The following SOX5 variants were observed in gnomAD, a reference collection of about 807,000 sequenced individuals.
SOX5 encodes transcription factor SOX-5.
Under a neutral mutation model 92.0 loss-of-function variants are expected in SOX5, and 9 were observed. The observed-to-expected ratio is 0.10, with a 90% CI of 0.06 to 0.17. The LOEUF (loss-of-function observed/expected upper bound fraction) is 0.17. Ranked by LOEUF, SOX5 falls within the 10% of genes least tolerant of loss-of-function variation. The pLI, the probability that SOX5 is intolerant of heterozygous loss-of-function variation, is 1.00. For synonymous variants in SOX5, 344 were observed against 336.3 expected, an observed-to-expected ratio of 1.02 and a Z score of -0.25; for missense variants, 642 against 944.5, an observed-to-expected ratio of 0.68 and a Z score of 4.20.
chr12:24,420,933 C>A (rs1445806992), intron 1 of SOX5, among the ~76,000 whole-genome samples: 1 of 152,128 alleles, frequency 6.6e-6, no homozygotes, highest in Non-Finnish European at 1.5e-5. Flanking sequence ...ATGCCACCAA[C>A]AAAATCCATA....
chr12:23,944,022 G>A (rs776274716), intron 1 of SOX5: 1 of 152,048 alleles, frequency 6.6e-6, no homozygotes, highest in African/African-American at 2.4e-5. Flanking sequence ...TTCAAATTGG[G>A]TTCATATTTG....
chr12:23,787,474 T>C (rs1440103952), intron 3 of SOX5, among the ~76,000 whole-genome samples: 2 of 152,034 alleles, frequency 1.3e-5, no homozygotes, highest in South Asian at 2.1e-4. Flanking sequence ...TTCTTTTCCA[T>C]ATCATTGGTT....
chr12:23,781,093 C>T (rs146543663), intron 3 of SOX5, among the ~76,000 whole-genome samples: 2 of 152,048 alleles, frequency 1.3e-5, no homozygotes, highest in African/African-American at 4.8e-5. Flanking sequence ...CTTGTCTCAT[C>T]CCAGACGGTT....
intron 3 of SOX5, among the ~76,000 whole-genome samples, chr12:23,838,248 A>G (rs1246381418): frequency 1.3e-5 from 2 of 148,654 alleles, no homozygotes; most frequent in East Asian, 1.9e-4. Context: ...AGTTCTGTCA[A>G]CATTCTACTA....
chr12:24,179,324 T>C (rs541414020), intron 4 of SOX5, among the ~76,000 whole-genome samples: 24 of 152,178 alleles, frequency 1.6e-4, no homozygotes, highest in Non-Finnish European at 3.2e-4. Flanking sequence ...TGACTTAAAA[T>C]AGTTCGACTT....
Position 24,326,896 on chromosome 12 carries a change from T to C in SOX5, c.-174+41667A>G, listed in dbSNP as rs963764992. On this transcript the variant is annotated intron_variant, in intron 2 of 4. Transcript: ENST00000446891. ...ATCTACCACTCTCTGCCTTTTTTAC[T>C]TGCATTGGTTTTTCCATCATCTGTC... Among the ~76,000 whole-genome samples, 8 of 152,126 alleles carry C rather than the reference T, an allele frequency of 5.3e-5. No individual in the cohort carries two copies. The East Asian group carries it at 1.5e-3, about 29-fold the overall frequency.
chr12:23,962,413 C>A (rs960362259), intron 4 of SOX5, among the ~76,000 whole-genome samples: 4 of 152,042 alleles, frequency 2.6e-5, no homozygotes, highest in African/African-American at 9.7e-5. Flanking sequence ...GCAAATGTTT[C>A]ATTCCTTTCA....
Position 23,895,985 on chromosome 12 carries a change from T to C in SOX5, c.78A>G (p.Ala26=). The part of the protein sequence containing the change: ...SKRPASPYGE[A]DGEVAMVTSR... ...TTGTCACCATGGCTACCTCTCCATC[T>C]GCTTCCCCATACGGAGAGGCTGGTC... is the stretch of plus-strand genomic sequence containing the variant. Residue 26 remains alanine (A), a synonymous_variant, in exon 2 of 15, where the codon GCA becomes GCG. Coordinates refer to ENST00000451604, the MANE Select transcript of SOX5 (RefSeq NM_006940.6). 1 of 1,614,118 alleles carries C rather than the reference T, an allele frequency of 6.2e-7. No homozygotes were observed. Among genetic ancestry groups the C allele is most frequent in the Non-Finnish European group, 8.5e-7 (1 of 1,179,952 alleles).
intron 1 of SOX5, among the ~76,000 whole-genome samples, chr12:24,424,690 C>T (rs962270752): frequency 6.6e-5 from 10 of 151,852 alleles, no homozygotes; most frequent in Admixed American, 5.3e-4. Flanking sequence ...TCATGCTCCA[C>T]AAAAGATGCT....
intron 4 of SOX5, among the ~76,000 whole-genome samples, chr12:24,084,161 T>C (rs982639915): frequency 6.6e-6 from 1 of 152,020 alleles, no homozygotes; most frequent in African/African-American, 2.4e-5. Context: ...ATCTATAAGG[T>C]TGAACTATGT....
At chr12:23,562,746 T>C (rs904766678) in intron 11 of SOX5, among the ~76,000 whole-genome samples, 1 of 152,206 alleles carries the variant, frequency 6.6e-6, no homozygotes, top group African/African-American at 2.4e-5. Flanking sequence ...TTTTAATAAG[T>C]ACATTTTGTT....
intron 1 of SOX5, among the ~76,000 whole-genome samples, chr12:24,467,343 C>T (rs1944336568): frequency 6.6e-6 from 1 of 152,132 alleles, no homozygotes; most frequent in Admixed American, 6.5e-5. Context: ...AGACAGAAAC[C>T]AATGAATGCA....
intron 3 of SOX5, among the ~76,000 whole-genome samples, chr12:23,785,644 G>T (rs1452530055): frequency 6.6e-6 from 1 of 152,076 alleles, no homozygotes; most frequent in African/African-American, 2.4e-5. Flanking sequence ...AAATAAATCA[G>T]TTAGATGGAC....
Position 23,547,974 on chromosome 12 carries a change from A to G in SOX5, c.1489-1550T>C, listed in dbSNP as rs1943461658. ...CACCAGCTTAACAGACTTTCTTTACAGTAAATGTAGCTGTTAAAACAAAAG... is the reference window on the plus strand; with the variant it reads ...CACCAGCTTAACAGACTTTCTTTACGGTAAATGTAGCTGTTAAAACAAAAG... On this transcript the variant is annotated intron_variant, in intron 11 of 14. Transcript: ENST00000451604. Among the ~76,000 whole-genome samples the G allele has an allele frequency of 2.0e-5, 3 of 152,106 alleles. No homozygotes were observed. The South Asian group carries it at 6.2e-4, about 31-fold the overall frequency.
chr12:24,142,964 A>G (rs1381092897), intron 4 of SOX5, among the ~76,000 whole-genome samples: 1 of 151,962 alleles, frequency 6.6e-6, no homozygotes, highest in Non-Finnish European at 1.5e-5. Context: ...CAAGGCAGGG[A>G]AAAGAGCCAC....
chr12:23,855,548 T>C (rs2096677713), intron 2 of SOX5, among the ~76,000 whole-genome samples: 1 of 152,158 alleles, frequency 6.6e-6, no homozygotes, highest in Non-Finnish European at 1.5e-5. Context: ...GTCATGTTTC[T>C]ATCTTTCTCT....
intron 4 of SOX5, among the ~76,000 whole-genome samples, chr12:24,002,391 GACCTT>G: frequency 6.6e-6 from 1 of 152,034 alleles, no homozygotes; most frequent in Middle Eastern, 3.4e-3. Flanking sequence ...CATCACTACT[GACCTT>G]ATAGAAATAC....
chr12:24,266,034 A>ATG (rs59696898), intron 3 of SOX5, among the ~76,000 whole-genome samples: 1,692 of 127,676 alleles, frequency 0.013, 23 homozygotes, highest in African/African-American at 0.034. Context: ...ATGCCAGCTA[A>ATG]TGTGTGTGTG....
intron 1 of SOX5, among the ~76,000 whole-genome samples, chr12:23,944,738 A>T (rs1395754522): frequency 6.6e-6 from 1 of 152,168 alleles, no homozygotes; most frequent in Admixed American, 6.6e-5. Context: ...GAAGGAAGGA[A>T]GACTTTGTTA....
Sources: allele counts gnomAD v4.1 joint callset (sites outside exome capture counted in the v4.1 genomes callset), GRCh38; gene constraint gnomAD v4.1.1; transcripts MANE v1.5; gene names NCBI Gene and HGNC (gene_info 2026-07-23, HGNC 2026-07-21).